The following RNF115 variants were observed in gnomAD, a reference collection of about 807,000 sequenced individuals.
RNF115 encodes E3 ubiquitin-protein ligase RNF115.
RNF115 carries 31 observed loss-of-function variants against 39.2 expected under a neutral mutation model. The observed-to-expected ratio is 0.79, with a 90% CI of 0.59 to 1.07. RNF115 has a LOEUF of 1.07. Among genes scored for constraint, RNF115 ranks in the 50% least tolerant of loss-of-function variants. The pLI, the probability that RNF115 is intolerant of heterozygous loss-of-function variation, is 0.00. For missense variants in RNF115, 384 were observed against 381.7 expected (o/e 1.01, Z -0.05); for synonymous variants, 124 against 131.0 (o/e 0.95, Z 0.37).
intron 4 of RNF115, among the ~76,000 whole-genome samples, chr1:145,765,174 T>C (rs921947152): frequency 1.2e-4 from 18 of 152,178 alleles, no homozygotes; most frequent in African/African-American, 4.1e-4. Context: ...GTTAAATGGA[T>C]TAAGGGCGGT....
rs1037102245 is a variant in RNF115 at position 145,743,110 on chromosome 1, G to C, written c.*3756C>G. Reference sequence around the variant, plus strand: ...GATGGTTAATCTTATGTGTCAACTTGACTAGGCCACATGATGCCCAGATAT... The same window carrying C: ...GATGGTTAATCTTATGTGTCAACTTCACTAGGCCACATGATGCCCAGATAT... On this transcript the variant is annotated 3_prime_UTR_variant, in exon 9 of 9. Transcript: ENST00000582693. 2.6e-5 allele frequency: 4 copies of C among 152,192 alleles called. No individual in the cohort carries two copies. The East Asian group carries it at 7.7e-4, about 29-fold the overall frequency. 9.4% of individuals were successfully genotyped at this position (152,192 alleles called of 1,614,324 possible).
At chr1:145,794,920 A>G (rs11583404) in intron 1 of RNF115, among the ~76,000 whole-genome samples, 42,959 of 150,850 alleles carry the variant, frequency 0.28, 7,111 homozygotes, top group Non-Finnish European at 0.37. Context: ...GGAAGGCTGA[A>G]GCAGGAGAAT....
chr1:145,779,373 C>G (rs996510121), intron 3 of RNF115, among the ~76,000 whole-genome samples: 2 of 152,014 alleles, frequency 1.3e-5, no homozygotes, highest in Admixed American at 6.6e-5. Flanking sequence ...CAGGGTTTTA[C>G]CATGTTGCCC....
Position 145,746,894 on chromosome 1 carries a change from C to T in RNF115, c.887G>A (p.Ser296Asn). The change falls in exon 9 of 9, where the codon AGT becomes AAT. Residue 296 changes from serine to asparagine, a missense_variant. By Grantham distance (46) the Ser-to-Asn change is conservative (BLOSUM62 1). Coordinates refer to ENST00000582693, the MANE Select transcript of RNF115 (RefSeq NM_014455.4). ...GAAAGTCCATCGGTCATGTAGCTGACTGTCATTGCTAAATCTGTTGCTTGC... is the reference window on the plus strand; with the variant it reads ...GAAAGTCCATCGGTCATGTAGCTGATTGTCATTGCTAAATCTGTTGCTTGC... ...ASASNRFSND[S>N]QLHDRWTF 6.2e-7 allele frequency: 1 copy of T among 1,614,098 alleles called. No individual in the cohort carries two copies. The highest frequency in any genetic ancestry group is 8.5e-7 in the Non-Finnish European group (1 of 1,180,014).
At chr1:145,796,435 T>C (rs1648982234) in intron 1 of RNF115, among the ~76,000 whole-genome samples, 1 of 152,122 alleles carries the variant, frequency 6.6e-6, no homozygotes, top group South Asian at 2.1e-4. Flanking sequence ...TAACTTTTTT[T>C]TTTTTTTCTG....
intron 1 of RNF115, among the ~76,000 whole-genome samples, chr1:145,821,719 T>C (rs1369598323): frequency 2.0e-5 from 2 of 100,836 alleles, no homozygotes; most frequent in African/African-American, 6.8e-5. Context: ...CTGCCTGCCT[T>C]GGACTCCCAA....
intron 1 of RNF115, among the ~76,000 whole-genome samples, chr1:145,813,633 A>C (rs1219292067): frequency 1.3e-5 from 2 of 152,296 alleles, no homozygotes; most frequent in Admixed American, 1.3e-4. Context: ...ATGGAATTGC[A>C]GCCACTAACT....
intron 1 of RNF115, among the ~76,000 whole-genome samples, chr1:145,791,708 T>C (rs1648676465): frequency 6.6e-6 from 1 of 152,174 alleles, no homozygotes. Flanking sequence ...ATTAATTCAA[T>C]TTCTATTTCC....
intron 4 of RNF115, among the ~76,000 whole-genome samples, chr1:145,764,708 T>TG (rs1158529115): frequency 8.9e-5 from 13 of 145,458 alleles, no homozygotes; most frequent in African/African-American, 2.6e-4. Context: ...GGGAGGGAGG[T>TG]GGGGGGTCAG....
chr1:145,759,681 T>C (rs782069891), intron 4 of RNF115, among the ~76,000 whole-genome samples: 3 of 152,174 alleles, frequency 2.0e-5, no homozygotes, highest in Non-Finnish European at 4.4e-5. Context: ...AGCACAGCAG[T>C]TAGAGCAATC....
intron 1 of RNF115, among the ~76,000 whole-genome samples, chr1:145,800,579 T>G (rs981261271): frequency 6.6e-6 from 1 of 152,136 alleles, no homozygotes; most frequent in Non-Finnish European, 1.5e-5. Context: ...AGCAGCCACA[T>G]AAGTTTAGAC....
At chr1:145,819,937 C>A (rs1438162312) in intron 1 of RNF115, among the ~76,000 whole-genome samples, 3 of 151,670 alleles carry the variant, frequency 2.0e-5, no homozygotes, top group African/African-American at 4.8e-5. Context: ...ATCTGGGAGG[C>A]TGAGGCACGA....
At chr1:145,784,148 T>G (rs1248455675) in intron 3 of RNF115, among the ~76,000 whole-genome samples, 4 of 152,198 alleles carry the variant, frequency 2.6e-5, no homozygotes, top group African/African-American at 9.7e-5. Flanking sequence ...TCATTGTGAC[T>G]TCGACAACTT....
intron 4 of RNF115, among the ~76,000 whole-genome samples, chr1:145,763,701 AAAAAC>A (rs1203782271): frequency 6.6e-6 from 1 of 152,184 alleles, no homozygotes; most frequent in African/African-American, 2.4e-5. Context: ...TCCCTCTCAA[AAAAAC>A]AAAACAAAAC....
At chr1:145,800,801 A>T (rs781795206) in intron 1 of RNF115, among the ~76,000 whole-genome samples, 3 of 152,202 alleles carry the variant, frequency 2.0e-5, no homozygotes, top group Non-Finnish European at 4.4e-5. Flanking sequence ...ATAATAAGTT[A>T]TTGTATTAAG....
rs587771193 is a variant in RNF115 at position 145,793,101 on chromosome 1, T to C, written c.103-4135A>G. 3.3e-5 allele frequency among the ~76,000 whole-genome samples: 5 copies of C among 152,314 alleles called. No homozygotes were observed. In the East Asian group the frequency reaches 9.6e-4, roughly 29 times the overall value. On this transcript the variant is annotated intron_variant, in intron 1 of 8. Transcript: ENST00000582693. Reference sequence around the variant, plus strand: ...TGGGAGGCTGAGGCAGGAAGATTGCTAGAGCTCAGGAGTTTGAGATCAGCC... The same window carrying C: ...TGGGAGGCTGAGGCAGGAAGATTGCCAGAGCTCAGGAGTTTGAGATCAGCC...
intron 3 of RNF115, among the ~76,000 whole-genome samples, chr1:145,783,832 T>TTA (rs1553717773): frequency 6.7e-6 from 1 of 148,974 alleles, no homozygotes. Context: ...TTTCTTTTTT[T>TTA]AAAAAAAAAA....
chr1:145,763,472 C>T (rs1347453280), intron 4 of RNF115, among the ~76,000 whole-genome samples: 2 of 152,178 alleles, frequency 1.3e-5, no homozygotes, highest in African/African-American at 4.8e-5. Flanking sequence ...CCAAAGCAGG[C>T]AGATCACTTG....
At position 145,748,065 on chromosome 1, in the gene RNF115, TC is replaced by T. The variant is rs1553712005; in HGVS notation, c.712del (p.Glu238LysfsTer22). ...GCAAGGTAACTGCCGGACTTCCTCTTCAACTGTGTAATCTTCTTTGCATACT... is the reference window on the plus strand; with the variant it reads ...GCAAGGTAACTGCCGGACTTCCTCTTAACTGTGTAATCTTCTTTGCATACT... ...CPVCKEDYTV[E>X]EEVRQLPCNH... is the part of the protein sequence containing the mutation. On this transcript the variant is annotated frameshift_variant, in exon 8 of 9. Transcript: ENST00000582693. LOFTEE classifies it high-confidence loss of function. 4.3e-6 allele frequency: 7 copies of T among 1,613,812 alleles called. No individual in the cohort carries two copies. The highest frequency in any genetic ancestry group is 5.9e-6 in the Non-Finnish European group (7 of 1,179,728).
Sources: gnomAD v4.1 joint callset for allele counts (sites outside exome capture counted in the v4.1 genomes callset) on GRCh38, gnomAD v4.1.1 for gene constraint, MANE v1.5 for transcripts, NCBI Gene and HGNC (gene_info 2026-07-23, HGNC 2026-07-21) for gene names.